RBM43: variants seen among roughly 807,000 people sequenced by gnomAD.
RBM43 encodes RNA binding motif protein 43.
A neutral mutation model predicts 12.4 loss-of-function variants in RBM43; 12 were observed. The observed-to-expected ratio is 0.97, with a 90% confidence interval of 0.62 to 1.57. RBM43 has a LOEUF of 1.57. Ranked by LOEUF, RBM43 falls within the 40% of genes most tolerant of loss-of-function variation. The pLI is 0.00. For synonymous variants in RBM43, 138 were observed against 145.7 expected (o/e 0.95, Z 0.38); for missense variants, 348 against 400.1 (o/e 0.87, Z 1.11).
intron 2 of RBM43, among the ~76,000 whole-genome samples, chr2:151,254,540 G>A (rs1682948330): frequency 6.6e-6 from 1 of 152,150 alleles, no homozygotes; most frequent in Non-Finnish European, 1.5e-5. Flanking sequence ...AGCAAAGCAA[G>A]TTCTCTTGCT....
rs776948267 is a variant in RBM43 at position 151,255,619 on chromosome 2, A to G, written c.128T>C (p.Ile43Thr). 1 of 1,613,890 alleles carries G rather than the reference A, an allele frequency of 6.2e-7. No individual in the cohort carries two copies. Among genetic ancestry groups the G allele is most frequent in the Non-Finnish European group, 8.5e-7 (1 of 1,179,928 alleles). ...TTCAACATCTCCGCCCTCATTCTTA[A>G]TGTCTTGGAAGTGGCTCTTCACTAA... is the stretch of plus-strand genomic sequence containing the variant. Reference protein sequence around the residue: ...AVLVKSHFQDIKNEGGDVEDV... With the variant: ...AVLVKSHFQDTKNEGGDVEDV... The change falls in exon 2 of 4, where the codon ATT (isoleucine) becomes ACT (threonine). Residue 43 changes from isoleucine to threonine, a missense_variant. Transcript: ENST00000331426.
intron 1 of RBM43, among the ~76,000 whole-genome samples, chr2:151,258,593 C>A (rs2105193439): frequency 6.6e-6 from 1 of 151,948 alleles, no homozygotes; most frequent in South Asian, 2.1e-4. Context: ...GCTAGCTACT[C>A]CAGAGGCGGA....
At chr2:151,253,349 A>G (rs1470324824) in intron 2 of RBM43, among the ~76,000 whole-genome samples, 1 of 152,136 alleles carries the variant, frequency 6.6e-6, no homozygotes, top group African/African-American at 2.4e-5. Context: ...TTTAGACAAC[A>G]TCTCTACGTG....
intron 1 of RBM43, 110 bp from the exon 2 acceptor site, chr2:151,255,853 G>A (rs1031552861): frequency 5.2e-6 from 4 of 776,562 alleles, no homozygotes; most frequent in Non-Finnish European, 8.4e-6. Context: ...TGCCGGTGCA[G>A]CTGGTTAGAT....
intron 3 of RBM43, among the ~76,000 whole-genome samples, chr2:151,252,211 G>A (rs954963588): frequency 5.3e-5 from 8 of 152,046 alleles, no homozygotes; most frequent in Admixed American, 1.3e-4. Flanking sequence ...CAGTATAAGC[G>A]TTTACCATCA....
chr2:151,259,597 C>A (rs1053232849), intron 1 of RBM43, among the ~76,000 whole-genome samples: 1 of 151,834 alleles, frequency 6.6e-6, no homozygotes, highest in Non-Finnish European at 1.5e-5. Context: ...CAAGATCGCA[C>A]CACTGCACTC....
At chr2:151,252,282 G>C (rs535646087) in intron 3 of RBM43, among the ~76,000 whole-genome samples, 8 of 152,210 alleles carry the variant, frequency 5.3e-5, no homozygotes, top group African/African-American at 1.9e-4. Context: ...CAGCACTTTG[G>C]GGGGCTGAGG....
At position 151,250,796 on chromosome 2, in the gene RBM43, A is replaced by G; in HGVS notation, c.*110T>C. The G allele has an allele frequency of 1.3e-6, 1 of 753,754 alleles. No homozygotes were observed. The highest frequency in any genetic ancestry group is 2.2e-6 in the Non-Finnish European group (1 of 462,194). 46.7% of individuals were successfully genotyped at this position (753,754 alleles called of 1,614,324 possible). On this transcript the variant is annotated 3_prime_UTR_variant, in exon 4 of 4. Transcript: ENST00000331426. ...GGATAGTCAACACTGACAAAGAAGG[A>G]TGACTATAAGGATTCATGAGATACG...
chr2:151,259,950 C>A (rs994683890), intron 1 of RBM43, among the ~76,000 whole-genome samples: 1 of 151,912 alleles, frequency 6.6e-6, no homozygotes, highest in Non-Finnish European at 1.5e-5. Flanking sequence ...ACTGCAACCT[C>A]CACCTCCCGG....
In RBM43 at chr2:151,255,671, G is replaced by A. The variant is rs752720772; in HGVS notation, c.76C>T (p.Leu26Phe). ...TVVVAGLPVD[L>F]FSDQLLAVLV... ...ACGGCCAATAATTGATCACTAAAAA[G>A]GTCAACTGGAAGACCAGCAACTACA... Residue 26 changes from leucine (L) to phenylalanine (F), a missense_variant, in exon 2 of 4, where the codon CTT (leucine) becomes TTT (phenylalanine). Coordinates refer to ENST00000331426, the MANE Select transcript of RBM43 (RefSeq NM_198557.3). 1 of 1,613,870 alleles carries A rather than the reference G, an allele frequency of 6.2e-7. No homozygotes were observed. The highest frequency in any genetic ancestry group is 8.5e-7 in the Non-Finnish European group (1 of 1,179,924).
At chr2:151,252,231 C>T (rs1682911721) in intron 3 of RBM43, among the ~76,000 whole-genome samples, 1 of 152,084 alleles carries the variant, frequency 6.6e-6, no homozygotes, top group Admixed American at 6.6e-5. Context: ...ACTTTAAAAG[C>T]ATTAAGTGAG....
chr2:151,261,387 G>A (rs1278570085), intron 1 of RBM43: 13 of 1,550,496 alleles, frequency 8.4e-6, no homozygotes, highest in Non-Finnish European at 9.6e-6. Flanking sequence ...GCTCCTCGAC[G>A]AACGGCGGCG....
chr2:151,257,807 C>T (rs544832939), intron 1 of RBM43, among the ~76,000 whole-genome samples: 7 of 152,222 alleles, frequency 4.6e-5, no homozygotes, highest in East Asian at 1.9e-4. Flanking sequence ...TGGTGGCTCA[C>T]GCCTGTAATC....
chr2:151,251,402 T>G lies in RBM43; in HGVS notation c.578A>C (p.Gln193Pro). 6.2e-7 allele frequency: 1 copy of G among 1,614,242 alleles called. No homozygotes were observed. The highest frequency in any genetic ancestry group is 8.5e-7 in the Non-Finnish European group (1 of 1,180,046). ...EERKWNRQNP[Q>P]RNLQRSNNSL... is the part of the protein sequence containing the mutation. ...GTTATTACTTCTCTGTAGATTCCTC[T>G]GGGGATTTTGTCTATTCCACTTTCT... Residue 193 changes from glutamine to proline, a missense_variant, in exon 4 of 4, where the codon CAG (glutamine) becomes CCG (proline). Transcript: ENST00000331426.
chr2:151,247,993 G>C lies in RBM43; in HGVS notation c.*2913C>G, dbSNP rs1174868724. ...TTTTAGTCATGATATAGTAAAACAC[G>C]TAAATTCACCAGTTTATAAAAATGA... On this transcript the variant is annotated 3_prime_UTR_variant, in exon 4 of 4. Transcript: ENST00000331426. 6.6e-6 allele frequency: 1 copy of C among 152,026 alleles called. No individual in the cohort carries two copies. The highest frequency in any genetic ancestry group is 2.4e-5 in the African/African-American group (1 of 41,416). 9.4% of individuals were successfully genotyped at this position (152,026 alleles called of 1,614,324 possible).
In RBM43 at chr2:151,251,032, T is replaced by A. The variant is rs972218138; in HGVS notation, c.948A>T (p.Leu316Phe). ...KRMIKRACEQLSSRYLEVLIN... is the reference protein window; with the variant it reads ...KRMIKRACEQFSSRYLEVLIN... Reference sequence around the variant, plus strand: ...TCAGGACTTCAAGGTATCTCGAACTTAATTGTTCACATGCCCTTTTGATCA... The same window carrying A: ...TCAGGACTTCAAGGTATCTCGAACTAAATTGTTCACATGCCCTTTTGATCA... Residue 316 changes from leucine to phenylalanine, a missense_variant, in exon 4 of 4, where the codon TTA becomes TTT. Transcript: ENST00000331426. 1.2e-6 allele frequency: 2 copies of A among 1,613,978 alleles called. No individual in the cohort carries two copies. The highest frequency in any genetic ancestry group is 2.7e-5 in the African/African-American group (2 of 74,944).
At chr2:151,257,372 A>G (rs988029014) in intron 1 of RBM43, among the ~76,000 whole-genome samples, 2 of 152,158 alleles carry the variant, frequency 1.3e-5, no homozygotes, top group African/African-American at 4.8e-5. Flanking sequence ...CCATCCCAAG[A>G]GCCCCATAAA....
chr2:151,251,778 C>A, intron 3 of RBM43, 114 bp from the exon 4 acceptor site: 1 of 1,012,822 alleles, frequency 9.9e-7, no homozygotes, highest in Non-Finnish European at 1.4e-6. Context: ...AACCAGGCCC[C>A]AGTTGCCTGC....
chr2:151,253,688 A>C (rs1682935895), intron 2 of RBM43, among the ~76,000 whole-genome samples: 1 of 152,090 alleles, frequency 6.6e-6, no homozygotes, highest in Admixed American at 6.6e-5. Context: ...CCCCTGCTTG[A>C]AACCTTCCAT....
Sources: gnomAD v4.1 joint callset for allele counts (sites outside exome capture counted in the v4.1 genomes callset) on GRCh38, gnomAD v4.1.1 for gene constraint, MANE v1.5 for transcripts, NCBI Gene and HGNC (gene_info 2026-07-23, HGNC 2026-07-21) for gene names.